MGAT4A: variants seen among roughly 807,000 people sequenced by gnomAD.
MGAT4A encodes N-acetylglucosaminyltransferase IVa.
A neutral mutation model predicts 74.1 loss-of-function variants in MGAT4A; 33 were observed. The ratio of observed to expected loss-of-function variants is 0.45; its 90% CI spans 0.34 to 0.60. The LOEUF (loss-of-function observed/expected upper bound fraction) is 0.60. Among genes scored for constraint, MGAT4A ranks in the 20% least tolerant of loss-of-function variants. The probability of loss-of-function intolerance (pLI) is 0.02; values close to 1 mark genes in which losing one functional copy is unlikely to be tolerated. For synonymous variants in MGAT4A, 198 were observed against 210.4 expected (o/e 0.94, Z 0.51); for missense variants, 479 against 628.3 (o/e 0.76, Z 2.54).
chr2:98,701,735 G>C (rs563485307), intron 2 of MGAT4A, among the ~76,000 whole-genome samples: 3 of 152,180 alleles, frequency 2.0e-5, no homozygotes, highest in African/African-American at 7.2e-5. Flanking sequence ...CAGAGGCTAG[G>C]TCTACATTCT....
At position 98,660,694 on chromosome 2, in the gene MGAT4A, T is replaced by C. The variant is rs1391968107; in HGVS notation, c.537+2352A>G. Among the ~76,000 whole-genome samples the C allele has an allele frequency of 2.0e-5, 3 of 152,272 alleles. No individual in the cohort carries two copies. The East Asian group carries it at 5.8e-4, about 29-fold the overall frequency. ...CACTCAATGAAAAAAGTTTCTTTAG[T>C]AAATGGTGCTGAGAAAACTGGATAT... On this transcript the variant is annotated intron_variant, in intron 5 of 15. Coordinates refer to ENST00000393487, the MANE Select transcript of MGAT4A (RefSeq NM_012214.3).
At chr2:98,720,662 G>A (rs1702656827) in intron 2 of MGAT4A, among the ~76,000 whole-genome samples, 1 of 151,950 alleles carries the variant, frequency 6.6e-6, no homozygotes, top group Non-Finnish European at 1.5e-5. Flanking sequence ...TTTCTCTGAT[G>A]AACCCTAACT....
rs1701060203 is a variant in MGAT4A at position 98,621,503 on chromosome 2, C to CT, written c.*4062dup. On this transcript the variant is annotated 3_prime_UTR_variant, in exon 16 of 16. Coordinates refer to ENST00000393487, the MANE Select transcript of MGAT4A (RefSeq NM_012214.3). ...TCTGCCACCAGCCCGAGAAAACTCT[C>CT]TGCTTTTAAAGGAGTCACAAGATTT... 2 of 1,551,666 alleles carry CT rather than the reference C, an allele frequency of 1.3e-6. No individual in the cohort carries two copies. The highest frequency in any genetic ancestry group is 2.4e-5 in the South Asian group (2 of 84,056).
chr2:98,724,091 C>T (rs1181104014), intron 2 of MGAT4A, among the ~76,000 whole-genome samples: 2 of 152,142 alleles, frequency 1.3e-5, no homozygotes, highest in Non-Finnish European at 2.9e-5. Flanking sequence ...TTTCCCTGAC[C>T]AGTCCCTGAG....
rs115601327 is a variant in MGAT4A, at chr2:98,681,547, A to G, written c.95-3076T>C. On this transcript the variant is annotated intron_variant, in intron 2 of 15. Coordinates refer to ENST00000393487, the MANE Select transcript of MGAT4A (RefSeq NM_012214.3). ...TGTCCAAACACAGCATGTGTCCAAA[A>G]CAGATCTTTTGAGTTCTTCCCTCTT... Among the ~76,000 whole-genome samples the G allele has an allele frequency of 3.9e-3, 589 of 152,244 alleles. 6 individuals are homozygous for G. Among genetic ancestry groups the G allele is most frequent in the African/African-American group, 0.013 (553 of 41,536 alleles).
intron 2 of MGAT4A, among the ~76,000 whole-genome samples, chr2:98,682,702 C>T (rs1283893448): frequency 1.4e-5 from 2 of 141,090 alleles, no homozygotes; most frequent in Non-Finnish European, 3.3e-5. Flanking sequence ...CCCCAGAGGA[C>T]ACCCCTCATG....
Position 98,726,430 on chromosome 2 carries a change from C to A in MGAT4A, c.-98G>T. On this transcript the variant is annotated 5_prime_UTR_variant, in exon 2 of 16. Transcript: ENST00000393487. Reference sequence around the variant, plus strand: ...AGTCAACTGAATGCAGTACTCCTGGCTCTAGGCCAATAAAAATCAATAAGA... The same window carrying A: ...AGTCAACTGAATGCAGTACTCCTGGATCTAGGCCAATAAAAATCAATAAGA... 1 of 891,408 alleles carries A rather than the reference C, an allele frequency of 1.1e-6. No homozygotes were observed. Among genetic ancestry groups the A allele is most frequent in the South Asian group, 1.7e-5 (1 of 59,074 alleles). The allele number at this position is 891,408 out of a possible 1,614,324, so 55.2% of individuals were successfully genotyped here.
intron 4 of MGAT4A, among the ~76,000 whole-genome samples, chr2:98,671,851 A>C (rs1701915079): frequency 6.6e-6 from 1 of 151,452 alleles, no homozygotes; most frequent in African/African-American, 2.4e-5. Context: ...AAAGAGATGG[A>C]ACAACAGAAT....
intron 8 of MGAT4A, among the ~76,000 whole-genome samples, chr2:98,651,026 C>G (rs143490836): frequency 2.4e-4 from 37 of 151,896 alleles, no homozygotes; most frequent in African/African-American, 8.7e-4. Flanking sequence ...GATTGTGCCA[C>G]TGCACTCCAG....
intron 8 of MGAT4A, 97 bp from the exon 9 acceptor site, chr2:98,645,639 G>A: frequency 1.2e-6 from 1 of 858,694 alleles, no homozygotes; most frequent in Non-Finnish European, 1.6e-6. Context: ...CCTTTATCAT[G>A]AAAATGAAGA....
chr2:98,679,426 AAAAG>A (rs1320368889), intron 2 of MGAT4A, among the ~76,000 whole-genome samples: 16,662 of 131,234 alleles, frequency 0.13, 896 homozygotes, highest in Non-Finnish European at 0.2. Context: ...AAAAAAAAAA[AAAAG>A]AGACCAGCCT....
chr2:98,728,568 C>G (rs532608782), intron 1 of MGAT4A, among the ~76,000 whole-genome samples: 2 of 151,982 alleles, frequency 1.3e-5, no homozygotes, highest in East Asian at 3.9e-4. Flanking sequence ...GCCAACATGA[C>G]GAAACCCTGT....
In MGAT4A at chr2:98,625,357, T is replaced by A. The variant is rs1701128426; in HGVS notation, c.*209A>T. 2.9e-6 allele frequency: 4 copies of A among 1,357,450 alleles called. No individual in the cohort carries two copies. Among genetic ancestry groups the A allele is most frequent in the Non-Finnish European group, 3.8e-6 (4 of 1,050,718 alleles). 84.1% of individuals were successfully genotyped at this position (1,357,450 alleles called of 1,614,324 possible). On this transcript the variant is annotated 3_prime_UTR_variant, in exon 16 of 16. Coordinates refer to ENST00000393487, the MANE Select transcript of MGAT4A (RefSeq NM_012214.3). The stretch of plus-strand genomic sequence containing the variant: ...AACAGGCTGTCATAATTGAAAAATG[T>A]TTGAGTCAAGTTAAAATCTGAGGAC...
At chr2:98,697,492 T>A (rs1702294022) in intron 2 of MGAT4A, among the ~76,000 whole-genome samples, 4 of 152,076 alleles carry the variant, frequency 2.6e-5, no homozygotes, top group Admixed American at 2.6e-4. Context: ...CTAGACATGA[T>A]AAAAGGACAC....
At position 98,621,627 on chromosome 2, in the gene MGAT4A, C is replaced by T. The variant is rs553145195; in HGVS notation, c.*3939G>A. The T allele has an allele frequency of 7.1e-5, 106 of 1,486,832 alleles. No individual in the cohort carries two copies. The South Asian group carries it at 1.3e-3, about 19-fold the overall frequency. The allele number at this position is 1,486,832 out of a possible 1,614,324, so 92.1% of individuals were successfully genotyped here. The stretch of plus-strand genomic sequence containing the variant: ...ATGCTCAAAGTGGGAGGATATTATA[C>T]AAGGTCATTGGTGGGGGTGTCAGTA... On this transcript the variant is annotated 3_prime_UTR_variant, in exon 16 of 16. Coordinates refer to ENST00000393487, the MANE Select transcript of MGAT4A (RefSeq NM_012214.3).
intron 4 of MGAT4A, among the ~76,000 whole-genome samples, chr2:98,667,020 T>C (rs531149019): frequency 1.3e-5 from 2 of 152,304 alleles, no homozygotes; most frequent in South Asian, 2.1e-4. Context: ...AAATCTTTCC[T>C]GTGCTGTTCT....
chr2:98,638,078 A>G (rs1701350790), intron 12 of MGAT4A, among the ~76,000 whole-genome samples: 1 of 152,214 alleles, frequency 6.6e-6, no homozygotes, highest in East Asian at 1.9e-4. Flanking sequence ...GTGTGAATCT[A>G]TACTTTCTCA....
At chr2:98,700,414 T>C (rs1290718429) in intron 2 of MGAT4A, among the ~76,000 whole-genome samples, 1 of 150,006 alleles carries the variant, frequency 6.7e-6, no homozygotes, top group East Asian at 1.9e-4. Context: ...TATTAGTATA[T>C]ATTGCATTAT....
rs1223500094 is a variant in MGAT4A at position 98,663,055 on chromosome 2, G to A, written c.528C>T (p.Phe176=). The change falls in exon 5 of 16, where the codon TTC becomes TTT. Residue 176 remains phenylalanine, a synonymous_variant. Coordinates refer to ENST00000393487, the MANE Select transcript of MGAT4A (RefSeq NM_012214.3). ...EEKLDCVIVV[F]IGETDIDYVH... is the part of the protein sequence containing the mutation. Reference sequence around the variant, plus strand: ...ACAATTAAATAATTACCTCTCCTATGAAGACTACTATAACACAGTCCAACT... The same window carrying A: ...ACAATTAAATAATTACCTCTCCTATAAAGACTACTATAACACAGTCCAACT... 1.3e-6 allele frequency: 2 copies of A among 1,533,000 alleles called. No homozygotes were observed. Among genetic ancestry groups the A allele is most frequent in the African/African-American group, 1.4e-5 (1 of 72,712 alleles). The allele number at this position is 1,533,000 out of a possible 1,614,324, so 95.0% of individuals were successfully genotyped here.
Sources: allele counts gnomAD v4.1 joint callset (sites outside exome capture counted in the v4.1 genomes callset), GRCh38; gene constraint gnomAD v4.1.1; transcripts MANE v1.5; gene names NCBI Gene and HGNC (gene_info 2026-07-23, HGNC 2026-07-21).